Variants in GRM7 observed in about 807,000 individuals in gnomAD.
The protein encoded by GRM7 is metabotropic glutamate receptor 7.
In GRM7, 35 loss-of-function variants were observed where a neutral mutation model predicts 84.5. The observed-to-expected ratio is 0.41, with a 90% CI of 0.32 to 0.55. The LOEUF is 0.55. Ranked by LOEUF, GRM7 falls within the 20% of genes least tolerant of loss-of-function variation. The pLI is 0.19. For missense variants in GRM7, 1,003 were observed against 1,194.6 expected, an observed-to-expected ratio of 0.84 and a Z score of 2.36; for synonymous variants, 487 against 455.1, an observed-to-expected ratio of 1.07 and a Z score of -0.89.
intron 1 of GRM7, among the ~76,000 whole-genome samples, chr3:6,897,110 A>G (rs1356135685): frequency 1.3e-5 from 2 of 152,216 alleles, no homozygotes; most frequent in African/African-American, 4.8e-5. Flanking sequence ...TTGCCAACAT[A>G]TAGACAATAA....
At chr3:7,029,132 T>A (rs917421750) in intron 1 of GRM7, among the ~76,000 whole-genome samples, 3 of 152,014 alleles carry the variant, frequency 2.0e-5, no homozygotes, top group Non-Finnish European at 4.4e-5. Flanking sequence ...GGTGAAACCC[T>A]GTCTCAACTA....
chr3:7,513,940 A>G (rs1700292782), intron 7 of GRM7, among the ~76,000 whole-genome samples: 1 of 152,222 alleles, frequency 6.6e-6, no homozygotes, highest in African/African-American at 2.4e-5. Context: ...CAACTAGTAT[A>G]AAAATTCCTC....
intron 1 of GRM7, among the ~76,000 whole-genome samples, chr3:7,001,521 G>T (rs895477481): frequency 1.3e-5 from 2 of 152,258 alleles, no homozygotes; most frequent in Middle Eastern, 3.4e-3. Flanking sequence ...ACACCTATTT[G>T]TAAACTGGCA....
chr3:7,172,199 TATG>T (rs1695005777), intron 2 of GRM7, among the ~76,000 whole-genome samples: 1 of 152,120 alleles, frequency 6.6e-6, no homozygotes, highest in South Asian at 2.1e-4. Flanking sequence ...TGGGGTTTTA[TATG>T]ATAATTTTTT....
intron 2 of GRM7, among the ~76,000 whole-genome samples, chr3:7,162,729 ATTTTTTTTTT>A (rs71063284): frequency 1.8e-5 from 1 of 54,668 alleles, no homozygotes; most frequent in African/African-American, 5.5e-5. Context: ...CCCATTTTTC[ATTTTTTTTTT>A]TTTTTTTTTT....
At chr3:6,893,303 G>A (rs1465298053) in intron 1 of GRM7, among the ~76,000 whole-genome samples, 1 of 152,164 alleles carries the variant, frequency 6.6e-6, no homozygotes, top group Non-Finnish European at 1.5e-5. Context: ...GCAGCTGAGT[G>A]TGGTTGAACT....
At chr3:7,360,826 C>G (rs1453427325) in intron 4 of GRM7, among the ~76,000 whole-genome samples, 1 of 151,976 alleles carries the variant, frequency 6.6e-6, no homozygotes, top group African/African-American at 2.4e-5. Context: ...ATCATTAGTC[C>G]CCACAAGTTT....
intron 1 of GRM7, among the ~76,000 whole-genome samples, chr3:6,896,142 C>T (rs1157323720): frequency 6.6e-6 from 1 of 152,124 alleles, no homozygotes; most frequent in Non-Finnish European, 1.5e-5. Context: ...GTTTGGAAGC[C>T]ATTCCAAAGG....
intron 1 of GRM7, among the ~76,000 whole-genome samples, chr3:7,107,088 G>A (rs1216618920): frequency 6.6e-6 from 1 of 152,006 alleles, no homozygotes; most frequent in Non-Finnish European, 1.5e-5. Context: ...CCTGACTTGA[G>A]ACTGACAGGC....
chr3:7,027,143 C>T (rs1484811628), intron 1 of GRM7, among the ~76,000 whole-genome samples: 11 of 152,190 alleles, frequency 7.2e-5, no homozygotes, highest in Non-Finnish European at 1.6e-4. Flanking sequence ...GTGAAAATCA[C>T]AACACTTCAC....
intron 1 of GRM7, among the ~76,000 whole-genome samples, chr3:7,009,465 G>A (rs1025276298): frequency 6.6e-6 from 1 of 152,152 alleles, no homozygotes; most frequent in Non-Finnish European, 1.5e-5. Flanking sequence ...ATTCTAATTA[G>A]TTTTCTATCC....
At chr3:7,669,127 A>G (rs1699822888) in intron 8 of GRM7, among the ~76,000 whole-genome samples, 1 of 152,272 alleles carries the variant, frequency 6.6e-6, no homozygotes, top group South Asian at 2.1e-4. Flanking sequence ...CAATATATAG[A>G]ACATATGGAA....
At chr3:7,708,789 C>T (rs961265576) in intron 9 of GRM7, among the ~76,000 whole-genome samples, 14 of 151,640 alleles carry the variant, frequency 9.2e-5, no homozygotes, top group Non-Finnish European at 1.8e-4. Flanking sequence ...GAAGTACCTC[C>T]GATGAGATGT....
chr3:7,661,039 C>A (rs1346525032), intron 8 of GRM7, among the ~76,000 whole-genome samples: 1 of 152,178 alleles, frequency 6.6e-6, no homozygotes, highest in African/African-American at 2.4e-5. Flanking sequence ...CTTCGTGACA[C>A]TGGGTTAGGC....
At chr3:7,017,336 C>A (rs1695600777) in intron 1 of GRM7, among the ~76,000 whole-genome samples, 1 of 152,160 alleles carries the variant, frequency 6.6e-6, no homozygotes, top group Admixed American at 6.5e-5. Context: ...TAATAAGCAA[C>A]TAAGCTGGGC....
At chr3:7,703,407 T>G (rs977470020) in intron 9 of GRM7, among the ~76,000 whole-genome samples, 1 of 151,300 alleles carries the variant, frequency 6.6e-6, no homozygotes, top group Non-Finnish European at 1.5e-5. Flanking sequence ...TAAAAAATTC[T>G]TATGAGGGTT....
At chr3:7,477,479 C>T (rs748208399) in intron 7 of GRM7, among the ~76,000 whole-genome samples, 3 of 152,164 alleles carry the variant, frequency 2.0e-5, no homozygotes, top group African/African-American at 7.2e-5. Flanking sequence ...AGATCAATTA[C>T]TACCCAAGAT....
chr3:7,669,181 G>A (rs562845009), intron 8 of GRM7, among the ~76,000 whole-genome samples: 5 of 152,144 alleles, frequency 3.3e-5, no homozygotes, highest in African/African-American at 7.2e-5. Flanking sequence ...AATATGCAGC[G>A]AATAATCACA....
chr3:7,112,437 G>T (rs1692890762), intron 1 of GRM7, among the ~76,000 whole-genome samples: 1 of 152,098 alleles, frequency 6.6e-6, no homozygotes, highest in Non-Finnish European at 1.5e-5. Context: ...TGTTAGCCAG[G>T]ATGGTCTCGA....
Sources: gnomAD v4.1 joint callset for allele counts (sites outside exome capture counted in the v4.1 genomes callset) on GRCh38, gnomAD v4.1.1 for gene constraint, MANE v1.5 for transcripts, NCBI Gene and HGNC (gene_info 2026-07-23, HGNC 2026-07-21) for gene names.